Variants in ZMYND11 observed in about 807,000 individuals in gnomAD.
ZMYND11 encodes the protein zinc finger MYND domain-containing protein 11.
A neutral mutation model predicts 84.9 loss-of-function variants in ZMYND11; 9 were observed. That is an observed-to-expected ratio of 0.11 (90% CI 0.06 to 0.18). The LOEUF is 0.18. Among genes scored for constraint, ZMYND11 ranks in the 10% least tolerant of loss-of-function variants. The pLI, the probability that ZMYND11 is intolerant of heterozygous loss-of-function variation, is 1.00. For synonymous variants in ZMYND11, 250 were observed against 244.1 expected, an observed-to-expected ratio of 1.02 and a Z score of -0.23; for missense variants, 409 against 761.0, an observed-to-expected ratio of 0.54 and a Z score of 5.44.
chr10:147,785 A>G (rs183918057), intron 1 of ZMYND11: 3 of 152,056 alleles, frequency 2.0e-5, no homozygotes, highest in Admixed American at 2.0e-4. Flanking sequence ...TATAACTATA[A>G]TCACAGGTAA....
At position 203,769 on chromosome 10, in the gene ZMYND11, A is replaced by C. The variant is rs116105554; in HGVS notation, c.117-6120A>C. ...ATACTGTGGAAAAAAGTCTTCTCCC[A>C]TCCCTTGTTCCCTGAGCCCCTCTCT... On this transcript the variant is annotated intron_variant, in intron 2 of 14. Coordinates refer to ENST00000381604, the MANE Select transcript of ZMYND11 (RefSeq NM_001370100.5). 6.0e-3 allele frequency among the ~76,000 whole-genome samples: 920 copies of C among 152,276 alleles called. 13 individuals carry two copies. Among genetic ancestry groups the C allele is most frequent in the African/African-American group, 0.021 (879 of 41,576 alleles).
At chr10:209,815 C>A in intron 2 of ZMYND11, 74 bp from the exon 3 acceptor site, 2 of 1,399,552 alleles carry the variant, frequency 1.4e-6, no homozygotes, top group Non-Finnish European at 2.0e-6. Context: ...AAATTACCAC[C>A]ATTTTCTTAT....
chr10:234,421 G>A (rs1274028833), intron 4 of ZMYND11, among the ~76,000 whole-genome samples: 1 of 152,222 alleles, frequency 6.6e-6, no homozygotes, highest in Non-Finnish European at 1.5e-5. Context: ...ATGGAAGGCT[G>A]TGCATGATAT....
At chr10:172,667 C>A (rs560791253) in intron 1 of ZMYND11, among the ~76,000 whole-genome samples, 3 of 152,238 alleles carry the variant, frequency 2.0e-5, no homozygotes, top group African/African-American at 7.2e-5. Flanking sequence ...GATGTCCATT[C>A]TTCCCACTTT....
chr10:173,424 G>A (rs534413747), intron 1 of ZMYND11, among the ~76,000 whole-genome samples: 2 of 152,234 alleles, frequency 1.3e-5, no homozygotes, highest in Admixed American at 6.5e-5. Context: ...TACAAAGAAC[G>A]TCTAACATTA....
At chr10:245,139 T>G (rs531841609) in intron 10 of ZMYND11, among the ~76,000 whole-genome samples, 189 of 152,342 alleles carry the variant, frequency 1.2e-3, no homozygotes, top group African/African-American at 4.2e-3. Flanking sequence ...TAGAGTTTAG[T>G]TTTTCAAAGT....
chr10:142,590 A>G (rs142199451), intron 1 of ZMYND11, among the ~76,000 whole-genome samples: 1 of 152,310 alleles, frequency 6.6e-6, no homozygotes, highest in African/African-American at 2.4e-5. Flanking sequence ...ATGTATGACT[A>G]CCACACCTGT....
chr10:156,702 A>G (rs1449023958), intron 1 of ZMYND11, among the ~76,000 whole-genome samples: 6 of 152,226 alleles, frequency 3.9e-5, no homozygotes, highest in Admixed American at 6.5e-5. Context: ...GAAGTAAACT[A>G]GTGGATTATA....
intron 1 of ZMYND11, among the ~76,000 whole-genome samples, chr10:160,921 A>G (rs1842802262): frequency 6.7e-6 from 1 of 149,418 alleles, no homozygotes; most frequent in Non-Finnish European, 1.5e-5. Flanking sequence ...TGTATTCTTT[A>G]ATAAGACCTG....
intron 4 of ZMYND11, among the ~76,000 whole-genome samples, chr10:231,115 A>G (rs1589131374): frequency 1.3e-5 from 2 of 152,252 alleles, no homozygotes; most frequent in Admixed American, 1.3e-4. Flanking sequence ...TGATGTATGC[A>G]TTATTCACGA....
chr10:159,058 CTT>C (rs1842407182), intron 1 of ZMYND11, among the ~76,000 whole-genome samples: 1 of 96,014 alleles, frequency 1.0e-5, no homozygotes, highest in African/African-American at 3.8e-5. Flanking sequence ...AAACACAAAA[CTT>C]TTTAATGTTG....
chr10:209,788 A>G, intron 2 of ZMYND11, 101 bp from the exon 3 acceptor site: 2 of 1,182,194 alleles, frequency 1.7e-6, no homozygotes, highest in Middle Eastern at 2.5e-4. Flanking sequence ...TCTCATAAAT[A>G]CAAGTCATAA....
intron 1 of ZMYND11, among the ~76,000 whole-genome samples, chr10:167,179 G>A (rs1844200719): frequency 6.6e-6 from 1 of 152,000 alleles, no homozygotes; most frequent in African/African-American, 2.4e-5. Flanking sequence ...CAAAACACTG[G>A]GAATGTAAAG....
intron 10 of ZMYND11, 26 bp downstream of exon 10, chr10:242,165 G>A: frequency 6.2e-7 from 1 of 1,613,430 alleles, no homozygotes; most frequent in South Asian, 1.1e-5. Flanking sequence ...ATGTTCAGCG[G>A]TCACAGCTGT....
chr10:233,099 AC>A (rs1318928838), intron 4 of ZMYND11, among the ~76,000 whole-genome samples: 5 of 152,214 alleles, frequency 3.3e-5, no homozygotes, highest in Non-Finnish European at 7.3e-5. Context: ...GCTCTTAACC[AC>A]ACCTATCAGA....
At chr10:189,583 A>T (rs973951646) in intron 2 of ZMYND11, among the ~76,000 whole-genome samples, 2 of 152,214 alleles carry the variant, frequency 1.3e-5, no homozygotes, top group African/African-American at 4.8e-5. Flanking sequence ...ATTGTATACA[A>T]TAATGGCCTT....
intron 1 of ZMYND11, among the ~76,000 whole-genome samples, chr10:158,511 G>C (rs1202257862): frequency 5.3e-5 from 8 of 150,570 alleles, no homozygotes; most frequent in African/African-American, 2.0e-4. Context: ...CTTTGCTTCT[G>C]GGCTCAAGTG....
intron 4 of ZMYND11, among the ~76,000 whole-genome samples, chr10:232,648 A>G (rs919779202): frequency 6.6e-6 from 1 of 152,176 alleles, no homozygotes; most frequent in Non-Finnish European, 1.5e-5. Flanking sequence ...TAGATCCCTC[A>G]TTTATCACCA....
intron 4 of ZMYND11, among the ~76,000 whole-genome samples, chr10:222,881 G>A (rs1947373637): frequency 6.6e-6 from 1 of 152,062 alleles, no homozygotes; most frequent in Non-Finnish European, 1.5e-5. Context: ...GGACTTCTGA[G>A]GACAGGTTAA....
Sources: gnomAD v4.1 joint callset for allele counts (sites outside exome capture counted in the v4.1 genomes callset) on GRCh38, gnomAD v4.1.1 for gene constraint, MANE v1.5 for transcripts, NCBI Gene and HGNC (gene_info 2026-07-23, HGNC 2026-07-21) for gene names.